DOCK2: variants seen among roughly 807,000 people sequenced by gnomAD.
The protein encoded by DOCK2 is dedicator of cytokinesis 2.
A neutral mutation model predicts 248.9 loss-of-function variants in DOCK2; 87 were observed. The observed-to-expected ratio is 0.35, with a 90% confidence interval of 0.29 to 0.42. The LOEUF is 0.42. Ranked by LOEUF, DOCK2 falls within the 10% of genes least tolerant of loss-of-function variation. The pLI is 1.00. For missense variants in DOCK2, 1,747 were observed against 2,300.2 expected, an observed-to-expected ratio of 0.76 and a Z score of 4.92; for synonymous variants, 805 against 821.6, an observed-to-expected ratio of 0.98 and a Z score of 0.35.
intron 26 of DOCK2, among the ~76,000 whole-genome samples, chr5:169,804,095 A>T (rs1581212930): frequency 6.6e-6 from 1 of 152,282 alleles, no homozygotes; most frequent in Admixed American, 6.5e-5. Context: ...TCCCTAGAAC[A>T]TCCTCAGAGA....
At chr5:169,762,251 C>T (rs1009491134) in intron 25 of DOCK2, among the ~76,000 whole-genome samples, 1 of 152,124 alleles carries the variant, frequency 6.6e-6, no homozygotes, top group African/African-American at 2.4e-5. Context: ...TCTAGGCACA[C>T]TCTGTGGATG....
chr5:169,646,321 C>T (rs138913850), intron 1 of DOCK2, among the ~76,000 whole-genome samples: 1 of 152,200 alleles, frequency 6.6e-6, no homozygotes, highest in East Asian at 1.9e-4. Context: ...AGTACCAGTC[C>T]CATAGCATGG....
intron 25 of DOCK2, among the ~76,000 whole-genome samples, chr5:169,786,875 A>T (rs919706112): frequency 6.6e-6 from 1 of 152,254 alleles, no homozygotes; most frequent in East Asian, 1.9e-4. Flanking sequence ...TCTTAAGTAT[A>T]TAGTAAATCT....
intron 7 of DOCK2, 138 bp from the exon 8 acceptor site, chr5:169,684,058 G>A (rs755309361): frequency 1.0e-4 from 103 of 983,796 alleles, no homozygotes; most frequent in Non-Finnish European, 1.5e-4. Flanking sequence ...TCAGGTTACA[G>A]AAGCTTTTGA....
At chr5:169,637,442 G>GGGGCCGGC in intron 1 of DOCK2, 73 bp downstream of exon 1, 1 of 1,287,714 alleles carries the variant, frequency 7.8e-7, no homozygotes, top group Non-Finnish European at 9.8e-7. Context: ...AGGATGCTGC[G>GGGGCCGGC]GGGCCGGCGG....
At chr5:170,069,024 C>A in intron 45 of DOCK2, 113 bp from the exon 46 acceptor site, 1 of 859,412 alleles carries the variant, frequency 1.2e-6, no homozygotes, top group South Asian at 1.6e-5. Context: ...CATCCACATG[C>A]CTGTGACCTC....
intron 27 of DOCK2, among the ~76,000 whole-genome samples, chr5:169,871,628 C>T (rs1049939284): frequency 6.6e-6 from 1 of 152,186 alleles, no homozygotes; most frequent in Non-Finnish European, 1.5e-5. Context: ...AAAGCTTCTA[C>T]ACTAAGATGC....
intron 27 of DOCK2, among the ~76,000 whole-genome samples, chr5:169,896,004 G>T (rs1447657350): frequency 6.6e-6 from 1 of 152,158 alleles, no homozygotes; most frequent in Non-Finnish European, 1.5e-5. Flanking sequence ...ATGATCTCAA[G>T]CCTGGCCTTG....
intron 48 of DOCK2, 128 bp from the exon 49 acceptor site, chr5:170,078,847 A>G: frequency 1.0e-6 from 1 of 989,704 alleles, no homozygotes; most frequent in Non-Finnish European, 1.5e-6. Context: ...AGATTTGCTG[A>G]TCTACTCCAG....
At chr5:169,866,985 G>A (rs1371380324) in intron 27 of DOCK2, among the ~76,000 whole-genome samples, 5 of 152,186 alleles carry the variant, frequency 3.3e-5, no homozygotes. Context: ...CCACTTACAA[G>A]TCCGGGACCT....
intron 27 of DOCK2, among the ~76,000 whole-genome samples, chr5:169,887,809 T>A (rs1773057527): frequency 6.6e-6 from 1 of 152,238 alleles, no homozygotes; most frequent in Non-Finnish European, 1.5e-5. Context: ...ATGTTACCAC[T>A]CATCCTTCTA....
At chr5:169,895,775 G>C (rs963540772) in intron 27 of DOCK2, among the ~76,000 whole-genome samples, 2 of 152,126 alleles carry the variant, frequency 1.3e-5, no homozygotes, top group African/African-American at 4.8e-5. Context: ...CCTAGGACAA[G>C]TCATCTCATA....
At chr5:169,952,212 G>A (rs1182091) in intron 27 of DOCK2, among the ~76,000 whole-genome samples, 55,246 of 151,940 alleles carry the variant, frequency 0.36, 11,866 homozygotes, top group African/African-American at 0.61. Flanking sequence ...CACTCTAACC[G>A]AGCTTTTTTG....
intron 33 of DOCK2, among the ~76,000 whole-genome samples, chr5:170,024,149 G>A (rs1391042932): frequency 6.6e-6 from 1 of 152,124 alleles, no homozygotes. Context: ...TTCTGTAGTG[G>A]CTCAATACAA....
chr5:169,901,279 C>T (rs1773909484), intron 27 of DOCK2, among the ~76,000 whole-genome samples: 1 of 152,126 alleles, frequency 6.6e-6, no homozygotes, highest in Admixed American at 6.5e-5. Flanking sequence ...AAAGGAAAGG[C>T]CAGCTTGGAT....
At chr5:169,672,037 C>T (rs187654872) in intron 5 of DOCK2, among the ~76,000 whole-genome samples, 41 of 151,910 alleles carry the variant, frequency 2.7e-4, no homozygotes, top group African/African-American at 8.9e-4. Flanking sequence ...GATGGAGTCT[C>T]GCTCTGTTGC....
At chr5:169,892,374 T>C (rs1445839173) in intron 27 of DOCK2, among the ~76,000 whole-genome samples, 3 of 152,240 alleles carry the variant, frequency 2.0e-5, no homozygotes, top group Admixed American at 6.5e-5. Flanking sequence ...GAGCAGGAGC[T>C]AGGTGAACAT....
intron 22 of DOCK2, among the ~76,000 whole-genome samples, chr5:169,745,461 A>G (rs1763561219): frequency 6.6e-6 from 1 of 152,184 alleles, no homozygotes; most frequent in South Asian, 2.1e-4. Context: ...CAATCCTCTG[A>G]CACAGTACTG....
chr5:170,032,154 G>T (rs887846909), intron 34 of DOCK2, among the ~76,000 whole-genome samples: 7 of 151,868 alleles, frequency 4.6e-5, no homozygotes, highest in African/African-American at 1.5e-4. Context: ...AGCCTCCCAA[G>T]TAGCTGGGAC....
Sources: gnomAD v4.1 joint callset for allele counts (sites outside exome capture counted in the v4.1 genomes callset) on GRCh38, gnomAD v4.1.1 for gene constraint, MANE v1.5 for transcripts, NCBI Gene and HGNC (gene_info 2026-07-23, HGNC 2026-07-21) for gene names.